Variants in PIP5K1A observed in about 807,000 individuals in gnomAD.
PIP5K1A encodes phosphatidylinositol 4-phosphate 5-kinase type-1 alpha.
In PIP5K1A, 46 loss-of-function variants were observed where a neutral mutation model predicts 72.9. The observed-to-expected ratio is 0.63, with a 90% CI of 0.50 to 0.81. PIP5K1A has a LOEUF of 0.81. PIP5K1A is among the 30% of genes least tolerant of loss of function. The probability of loss-of-function intolerance (pLI) is 0.00; values close to 1 mark genes in which losing one functional copy is unlikely to be tolerated. For missense variants in PIP5K1A, 458 were observed against 706.1 expected (o/e 0.65, Z 3.98); for synonymous variants, 228 against 255.1 (o/e 0.89, Z 1.01).
chr1:151,199,233 G>A, intron 1 of PIP5K1A, 152 bp downstream of exon 1: 2 of 1,426,886 alleles, frequency 1.4e-6, no homozygotes, highest in Non-Finnish European at 1.9e-6. Flanking sequence ...TTATGAGCGG[G>A]CAGGAGTTTG....
At chr1:151,208,841 T>C (rs1466677060) in intron 1 of PIP5K1A, among the ~76,000 whole-genome samples, 1 of 143,634 alleles carries the variant, frequency 7.0e-6, no homozygotes, top group African/African-American at 2.6e-5. Context: ...CACGCCATTC[T>C]CTTGCCTCAG....
At chr1:151,207,408 G>A (rs1010617473) in intron 1 of PIP5K1A, among the ~76,000 whole-genome samples, 1 of 152,146 alleles carries the variant, frequency 6.6e-6, no homozygotes, top group Non-Finnish European at 1.5e-5. Context: ...AAACTTGTTT[G>A]TAGGATTAGA....
At chr1:151,227,107 TGGA>T (rs903246124) in intron 3 of PIP5K1A, among the ~76,000 whole-genome samples, 21 of 152,366 alleles carry the variant, frequency 1.4e-4, no homozygotes, top group Admixed American at 1.2e-3. Flanking sequence ...ATGTGTCCCT[TGGA>T]GTTTTCTTCT....
intron 1 of PIP5K1A, among the ~76,000 whole-genome samples, chr1:151,202,082 A>G (rs191374490): frequency 6.6e-6 from 1 of 152,338 alleles, no homozygotes; most frequent in African/African-American, 2.4e-5. Flanking sequence ...TAATATTGGC[A>G]GGGAACAAAC....
chr1:151,214,736 A>G (rs991572945), intron 1 of PIP5K1A, among the ~76,000 whole-genome samples: 1 of 151,678 alleles, frequency 6.6e-6, no homozygotes, highest in African/African-American at 2.4e-5. Context: ...GCCTCAAACA[A>G]AATCTACCTT....
chr1:151,247,269 C>CA (rs1463568624), intron 15 of PIP5K1A, among the ~76,000 whole-genome samples: 4 of 151,964 alleles, frequency 2.6e-5, no homozygotes, highest in African/African-American at 9.7e-5. Flanking sequence ...GCTGGGACTA[C>CA]AGGTGCGTGC....
At chr1:151,240,618 G>T (rs764388370) in intron 12 of PIP5K1A, among the ~76,000 whole-genome samples, 4 of 152,106 alleles carry the variant, frequency 2.6e-5, no homozygotes, top group Non-Finnish European at 4.4e-5. Flanking sequence ...ACCTAGGCAT[G>T]CCAGTCTTAA....
At chr1:151,210,477 C>T (rs7539584) in intron 1 of PIP5K1A, among the ~76,000 whole-genome samples, 97,814 of 151,804 alleles carry the variant, frequency 0.64, 31,859 homozygotes, top group Non-Finnish European at 0.7. Flanking sequence ...ATGAGCCACC[C>T]TGCTTGGTGT....
intron 1 of PIP5K1A, among the ~76,000 whole-genome samples, chr1:151,204,578 T>C (rs1685679294): frequency 6.6e-6 from 1 of 152,244 alleles, no homozygotes; most frequent in South Asian, 2.1e-4. Context: ...TAAAGCAGTT[T>C]AGATCATGTT....
At chr1:151,204,062 A>G (rs1298990089) in intron 1 of PIP5K1A, among the ~76,000 whole-genome samples, 2 of 152,072 alleles carry the variant, frequency 1.3e-5, no homozygotes, top group East Asian at 1.9e-4. Flanking sequence ...TGGGACTTTT[A>G]TAGTAGGGAC....
At position 151,247,831 on chromosome 1, in the gene PIP5K1A, C is replaced by G. The variant is rs745797064; in HGVS notation, c.1687-32C>G. On this transcript the variant is annotated intron_variant, in intron 15 of 15. Coordinates refer to ENST00000368888, the MANE Select transcript of PIP5K1A (RefSeq NM_001135638.2). Reference sequence around the variant, plus strand: ...TCCATTTCTGCTTAATCTCATACTCCACATCCTTAACTTTACACTCTCCCT... The same window carrying G: ...TCCATTTCTGCTTAATCTCATACTCGACATCCTTAACTTTACACTCTCCCT... 8 of 1,583,096 alleles carry G rather than the reference C, an allele frequency of 5.1e-6. No individual in the cohort carries two copies. In the Admixed American group the frequency reaches 7.0e-5, roughly 14 times the overall value.
chr1:151,214,150 T>C (rs1449870509), intron 1 of PIP5K1A, among the ~76,000 whole-genome samples: 1 of 152,174 alleles, frequency 6.6e-6, no homozygotes, highest in Non-Finnish European at 1.5e-5. Context: ...TGCGCCATGA[T>C]GTATATTATC....
intron 1 of PIP5K1A, among the ~76,000 whole-genome samples, chr1:151,207,867 CT>C (rs35805635): frequency 0.82 from 117,070 of 142,332 alleles, 48,302 homozygotes; most frequent in Non-Finnish European, 0.87. Context: ...GTTGCTCCTT[CT>C]TTTTTTTTTT....
intron 3 of PIP5K1A, among the ~76,000 whole-genome samples, chr1:151,226,339 C>G (rs1002970196): frequency 6.6e-5 from 10 of 152,142 alleles, no homozygotes; most frequent in Middle Eastern, 3.4e-3. Flanking sequence ...CTTGCCTCCA[C>G]CTCCCAAAGT....
intron 1 of PIP5K1A, among the ~76,000 whole-genome samples, chr1:151,211,920 G>A (rs1486628066): frequency 2.6e-5 from 4 of 151,824 alleles, no homozygotes; most frequent in African/African-American, 2.4e-5. Flanking sequence ...TGGCTAACGT[G>A]GTGAAACCCC....
intron 8 of PIP5K1A, among the ~76,000 whole-genome samples, chr1:151,235,057 A>G (rs587613101): frequency 1.6e-4 from 24 of 152,244 alleles, no homozygotes; most frequent in African/African-American, 5.1e-4. Flanking sequence ...CCCTGTCACC[A>G]ATGGATAAAT....
At chr1:151,208,289 C>T (rs921007963) in intron 1 of PIP5K1A, among the ~76,000 whole-genome samples, 10 of 151,762 alleles carry the variant, frequency 6.6e-5, no homozygotes, top group African/African-American at 9.7e-5. Context: ...CCTAGAAGAG[C>T]GTTAGGAAAA....
chr1:151,196,035 C>T (rs1247592297), upstream of PIP5K1A, among the ~76,000 whole-genome samples: 2 of 151,266 alleles, frequency 1.3e-5, no homozygotes, highest in African/African-American at 4.9e-5. Flanking sequence ...GCTGGGGCTA[C>T]TACAGGCGCC....
chr1:151,241,124 T>C (rs1570999195), intron 12 of PIP5K1A, among the ~76,000 whole-genome samples: 1 of 151,482 alleles, frequency 6.6e-6, no homozygotes, highest in African/African-American at 2.4e-5. Context: ...GATAGTGCCA[T>C]TGCACTCCAG....
Sources: gnomAD v4.1 joint callset for allele counts (sites outside exome capture counted in the v4.1 genomes callset) on GRCh38, gnomAD v4.1.1 for gene constraint, MANE v1.5 for transcripts, NCBI Gene and HGNC (gene_info 2026-07-23, HGNC 2026-07-21) for gene names.